RBFOX1: variants seen among roughly 807,000 people sequenced by gnomAD.
RBFOX1 encodes the protein RNA binding fox-1 homolog 1, also known as RNA binding protein fox-1 homolog 1.
In RBFOX1, 8 loss-of-function variants were observed where a neutral mutation model predicts 57.7. That is an observed-to-expected ratio of 0.14 (90% CI 0.08 to 0.25). The LOEUF (loss-of-function observed/expected upper bound fraction) is 0.25. Among genes scored for constraint, RBFOX1 ranks in the 10% least tolerant of loss-of-function variants. RBFOX1 has a pLI of 1.00. For synonymous variants in RBFOX1, 326 were observed against 222.4 expected, an observed-to-expected ratio of 1.47 and a Z score of -4.15; for missense variants, 611 against 548.5, an observed-to-expected ratio of 1.11 and a Z score of -1.14.
chr16:6,658,945 G>GTT (rs778640073), intron 3 of RBFOX1, among the ~76,000 whole-genome samples: 7 of 139,484 alleles, frequency 5.0e-5, no homozygotes, highest in African/African-American at 1.6e-4. Context: ...TGTTTTTTTT[G>GTT]TTTTTTTTTT....
chr16:7,571,148 C>T (rs925497162), intron 5 of RBFOX1, among the ~76,000 whole-genome samples: 2 of 151,994 alleles, frequency 1.3e-5, no homozygotes, highest in African/African-American at 2.4e-5. Flanking sequence ...ATGGGTGCAG[C>T]AAATCACCAT....
At chr16:7,214,892 TTTTTA>T (rs2091775348) in intron 4 of RBFOX1, among the ~76,000 whole-genome samples, 1 of 152,186 alleles carries the variant, frequency 6.6e-6, no homozygotes, top group African/African-American at 2.4e-5. Flanking sequence ...TTGTTTATTC[TTTTTA>T]TTTTATTTTA....
At chr16:6,085,270 T>C (rs2096067186) in intron 1 of RBFOX1, among the ~76,000 whole-genome samples, 1 of 152,106 alleles carries the variant, frequency 6.6e-6, no homozygotes, top group Admixed American at 6.5e-5. Flanking sequence ...CTTTCTTTGT[T>C]TGTGTTTTGT....
intron 4 of RBFOX1, among the ~76,000 whole-genome samples, chr16:7,227,287 C>G (rs1453364542): frequency 1.0e-5 from 1 of 98,426 alleles, no homozygotes; most frequent in African/African-American, 2.6e-5. Flanking sequence ...CACACCCCAC[C>G]CCACCCCCAC....
In RBFOX1 at chr16:6,549,408, G is replaced by GGA. The variant is rs2096948000; in HGVS notation, c.-63-105194_-63-105193insAG. 1.5e-3 allele frequency among the ~76,000 whole-genome samples: 7 copies of GGA among 4,674 alleles called. No individual in the cohort carries two copies. In the Non-Finnish European group the frequency reaches 0.018, roughly 12 times the overall value. 3.1% of individuals were successfully genotyped at this position (4,674 alleles called of 152,430 possible). A position where few individuals can be genotyped will look rare whatever the true frequency, so the allele number is the denominator to read the frequency against. ...GGGGACGAGGGAGGGAGGAGGAGGAGGGAGGAGGAGGAGGAGGGGAGGAGG... is the reference window on the plus strand; with the variant it reads ...GGGGACGAGGGAGGGAGGAGGAGGAGGAGGAGGAGGAGGAGGAGGGGAGGAGG... On this transcript the variant is annotated intron_variant, in intron 2 of 15. Transcript: ENST00000550418.
At chr16:5,539,328 C>T (rs539708381) in intron 2 of RBFOX1, among the ~76,000 whole-genome samples, 1 of 150,918 alleles carries the variant, frequency 6.6e-6, no homozygotes, top group East Asian at 2.0e-4. Context: ...TATGATGGCT[C>T]ACGCCTGTAA....
Position 5,890,470 on chromosome 16 carries a change from G to A in RBFOX1, c.351+23135G>A, listed in dbSNP as rs149763575. On this transcript the variant is annotated intron_variant, in intron 4 of 19. Coordinates refer to the RBFOX1 transcript ENST00000641259. Reference sequence around the variant, plus strand: ...TCCCACCACTTTGGGAGGCTGAGGCGGGCAGATCACGAGGTCAGGAGTTTG... The same window carrying A: ...TCCCACCACTTTGGGAGGCTGAGGCAGGCAGATCACGAGGTCAGGAGTTTG... 1.5e-3 allele frequency among the ~76,000 whole-genome samples: 235 copies of A among 152,128 alleles called. 3 individuals carry two copies. The highest frequency in any genetic ancestry group is 5.4e-3 in the African/African-American group (223 of 41,496).
At chr16:6,173,304 C>T (rs1214752156) in intron 1 of RBFOX1, among the ~76,000 whole-genome samples, 3 of 152,064 alleles carry the variant, frequency 2.0e-5, no homozygotes, top group Non-Finnish European at 4.4e-5. Flanking sequence ...CAAATATTTG[C>T]CATAGGAATT....
intron 2 of RBFOX1, among the ~76,000 whole-genome samples, chr16:5,502,444 G>T (rs2043231975): frequency 6.6e-6 from 1 of 152,146 alleles, no homozygotes; most frequent in African/African-American, 2.4e-5. Flanking sequence ...TGGACATGGA[G>T]GTTGGACCTC....
intron 4 of RBFOX1, among the ~76,000 whole-genome samples, chr16:7,360,785 C>G (rs745577418): frequency 1.2e-4 from 19 of 152,306 alleles, no homozygotes; most frequent in Non-Finnish European, 1.6e-4. Flanking sequence ...GTCTTCTTTT[C>G]ACTTTGCCTT....
intron 4 of RBFOX1, among the ~76,000 whole-genome samples, chr16:7,435,575 C>G (rs1181291661): frequency 1.3e-5 from 2 of 152,172 alleles, no homozygotes; most frequent in East Asian, 1.9e-4. Flanking sequence ...ATCCATGAGG[C>G]TTTTCAGCAG....
At chr16:5,474,526 C>T (rs1307114316) in intron 2 of RBFOX1, among the ~76,000 whole-genome samples, 1 of 152,048 alleles carries the variant, frequency 6.6e-6, no homozygotes, top group Non-Finnish European at 1.5e-5. Flanking sequence ...TGGTGGTGGG[C>T]ACCTGTAATC....
intron 3 of RBFOX1, among the ~76,000 whole-genome samples, chr16:5,855,477 A>T (rs998696398): frequency 1.3e-5 from 2 of 152,090 alleles, no homozygotes; most frequent in Admixed American, 1.3e-4. Context: ...TATTGAAGAG[A>T]CTGTTCTTTC....
intron 4 of RBFOX1, among the ~76,000 whole-genome samples, chr16:7,276,435 T>A (rs2095441783): frequency 6.6e-6 from 1 of 152,234 alleles, no homozygotes; most frequent in South Asian, 2.1e-4. Context: ...CAAAAGACTC[T>A]GTGGATACAA....
chr16:6,818,297 T>G (rs1425716877), intron 3 of RBFOX1, among the ~76,000 whole-genome samples: 3 of 152,082 alleles, frequency 2.0e-5, no homozygotes. Context: ...GTGTGCGTCT[T>G]TCATTACTAT....
chr16:6,317,296 G>C (rs2081228631), intron 2 of RBFOX1, among the ~76,000 whole-genome samples: 1 of 152,122 alleles, frequency 6.6e-6, no homozygotes, highest in Admixed American at 6.6e-5. Context: ...TTATCAATGA[G>C]TTAACTGCGC....
At chr16:6,860,708 A>C (rs2058838660) in intron 3 of RBFOX1, among the ~76,000 whole-genome samples, 1 of 152,202 alleles carries the variant, frequency 6.6e-6, no homozygotes, top group Admixed American at 6.5e-5. Flanking sequence ...GTGTCATGTT[A>C]AAATAAATAA....
intron 12 of RBFOX1, among the ~76,000 whole-genome samples, chr16:7,655,991 G>A (rs971858904): frequency 6.7e-6 from 1 of 150,204 alleles, no homozygotes; most frequent in Non-Finnish European, 1.5e-5. Context: ...ATTTCCAAAT[G>A]ATGAAACAAT....
chr16:5,756,704 A>G (rs2053410229), intron 3 of RBFOX1, among the ~76,000 whole-genome samples: 1 of 152,168 alleles, frequency 6.6e-6, no homozygotes, highest in Non-Finnish European at 1.5e-5. Flanking sequence ...ATTACTTATC[A>G]CAGCAGAAAG....
Sources: gnomAD v4.1 joint callset for allele counts (sites outside exome capture counted in the v4.1 genomes callset) on GRCh38, gnomAD v4.1.1 for gene constraint, MANE v1.5 for transcripts, NCBI Gene and HGNC (gene_info 2026-07-23, HGNC 2026-07-21) for gene names.